Variants in KLHL13 observed in about 807,000 individuals in gnomAD.
KLHL13 encodes the protein kelch like family member 13, also known as kelch-like protein 13.
In KLHL13, 10 loss-of-function variants were observed where a neutral mutation model predicts 37.1. That is an observed-to-expected ratio of 0.27 (90% CI 0.17 to 0.46). The LOEUF is 0.46. Among genes scored for constraint, KLHL13 ranks in the 20% least tolerant of loss-of-function variants. The probability of loss-of-function intolerance (pLI) is 1.00; values close to 1 mark genes in which losing one functional copy is unlikely to be tolerated. For synonymous variants in KLHL13, 163 were observed against 181.2 expected, an observed-to-expected ratio of 0.90 and a Z score of 0.81; for missense variants, 360 against 509.3, an observed-to-expected ratio of 0.71 and a Z score of 2.82.
chrX:118,024,145 C>A (rs1053174841), intron 1 of KLHL13, among the ~76,000 whole-genome samples: 4 of 112,111 alleles, frequency 3.6e-5, no homozygotes, highest in African/African-American at 1.3e-4. Context: ...ATTCAGTTAC[C>A]TTGCCATTTA....
intron 1 of KLHL13, among the ~76,000 whole-genome samples, chrX:118,048,944 T>G (rs1469673201): frequency 5.4e-5 from 6 of 112,103 alleles, no homozygotes; most frequent in Non-Finnish European, 1.1e-4. Flanking sequence ...TTCAAGCAAT[T>G]TTATTCATAA....
chrX:118,042,148 G>C (rs1602677885), intron 1 of KLHL13, among the ~76,000 whole-genome samples: 1 of 111,776 alleles, frequency 8.9e-6, no homozygotes, highest in African/African-American at 3.2e-5. Context: ...AAGTCAGCCA[G>C]AGGATATAAA....
chrX:117,918,949 T>C (rs1401170033), intron 4 of KLHL13, among the ~76,000 whole-genome samples: 1 of 112,395 alleles, frequency 8.9e-6, no homozygotes, highest in Non-Finnish European at 1.9e-5. Flanking sequence ...TTATGGTACA[T>C]ACCATTATCA....
chrX:117,959,914 A>T (rs1298788945), intron 1 of KLHL13, among the ~76,000 whole-genome samples: 1 of 111,779 alleles, frequency 8.9e-6, no homozygotes, highest in Non-Finnish European at 1.9e-5. Context: ...GGAAGCAAGA[A>T]GGGAGTGCAG....
At chrX:117,977,256 T>C (rs1278722602), upstream of KLHL13, among the ~76,000 whole-genome samples, 1 of 112,136 alleles carries the variant, frequency 8.9e-6, no homozygotes, top group African/African-American at 3.2e-5. Flanking sequence ...TGAAGAACCA[T>C]TTCCAAAATC....
At position 117,965,036 on chromosome X, in the gene KLHL13, C is replaced by A. The variant is rs1257340922; in HGVS notation, c.98+7695G>T. On this transcript the variant is annotated intron_variant, in intron 1 of 6. Transcript: ENST00000262820. ...AAGTCTTTGCTATTGTGAATAATGC[C>A]GCAATAAACATACATGTGCATGTGT... Among the ~76,000 whole-genome samples, 3 of 111,576 alleles carry A rather than the reference C, an allele frequency of 2.7e-5. No homozygotes were observed. In the East Asian group the frequency reaches 8.4e-4, roughly 31 times the overall value.
At chrX:118,077,912 A>C (rs1418849995) in intron 1 of KLHL13, among the ~76,000 whole-genome samples, 1 of 112,135 alleles carries the variant, frequency 8.9e-6, no homozygotes, top group Non-Finnish European at 1.9e-5. Flanking sequence ...AAAGTACCTT[A>C]CAAACTCTAA....
At chrX:117,964,191 A>AT (rs1481974382) in intron 1 of KLHL13, among the ~76,000 whole-genome samples, 1 of 103,023 alleles carries the variant, frequency 9.7e-6, no homozygotes, top group East Asian at 2.9e-4. Flanking sequence ...TTAGAGTATA[A>AT]TAAAAAAAAA....
intron 1 of KLHL13, among the ~76,000 whole-genome samples, chrX:118,032,471 G>A (rs189049135): frequency 1.0e-3 from 114 of 111,946 alleles, no homozygotes; most frequent in African/African-American, 3.6e-3. Flanking sequence ...GCACCCCCCA[G>A]CAGGGGCAGC....
At chrX:118,048,515 G>A (rs1286379256) in intron 1 of KLHL13, among the ~76,000 whole-genome samples, 1 of 111,257 alleles carries the variant, frequency 9.0e-6, no homozygotes, top group Non-Finnish European at 1.9e-5. Context: ...AAATTTTGAG[G>A]TTTTACACAG....
At chrX:118,036,366 A>C (rs2054441154) in intron 1 of KLHL13, among the ~76,000 whole-genome samples, 1 of 112,069 alleles carries the variant, frequency 8.9e-6, no homozygotes, top group Admixed American at 9.4e-5. Context: ...ACAGTCACCA[A>C]AACAGCATGG....
chrX:117,909,202 T>G (rs183976441), intron 5 of KLHL13, 99 bp downstream of exon 6: 1 of 728,021 alleles, frequency 1.4e-6, no homozygotes, highest in African/African-American at 2.2e-5. Flanking sequence ...AAACCCTAAC[T>G]ACATTTTTAT....
Position 118,010,977 on chromosome X carries a change from G to A in KLHL13, c.-55-65402C>T, listed in dbSNP as rs1332156654. On this transcript the variant is annotated intron_variant, in intron 1 of 6. Transcript: ENST00000371882. ...CGTCCCAGCTACTCAGGAGGCTGAG[G>A]TGGGAGAATCACCTGAGCCTGGGAA... Among the ~76,000 whole-genome samples the A allele has an allele frequency of 5.5e-5, 6 of 110,007 alleles. No homozygotes were observed. The East Asian group carries it at 1.7e-3, about 32-fold the overall frequency.
intron 1 of KLHL13, among the ~76,000 whole-genome samples, chrX:118,026,390 T>C (rs1229882142): frequency 1.8e-5 from 2 of 111,977 alleles, no homozygotes; most frequent in Non-Finnish European, 3.8e-5. Flanking sequence ...TAATGTGTTA[T>C]AAATGCCTGA....
At chrX:118,087,196 C>T (rs2055064087) in intron 1 of KLHL13, among the ~76,000 whole-genome samples, 1 of 110,582 alleles carries the variant, frequency 9.0e-6, no homozygotes, top group Non-Finnish European at 1.9e-5. Context: ...TTACACAATG[C>T]TTAATTTCCC....
chrX:117,945,556 C>A (rs771742237), exon 2 of KLHL13: 1 of 1,201,554 alleles, frequency 8.3e-7, no homozygotes, highest in African/African-American at 1.8e-5. Flanking sequence ...ATGTGTTGGT[C>A]TTCCTCTTCC....
intron 1 of KLHL13, among the ~76,000 whole-genome samples, chrX:117,962,971 A>C (rs2053329674): frequency 8.9e-6 from 1 of 112,418 alleles, no homozygotes; most frequent in Admixed American, 9.5e-5. Flanking sequence ...AGAGGAAAAT[A>C]AATTGTATTA....
rs1403074253 is a variant in KLHL13, at chrX:118,032,049, C to T, written c.-56+84459G>A. Reference sequence around the variant, plus strand: ...CTTTTCCGACGGGCTTAAAAAACAGCGCACCAGGAGATTATATCCAGCACC... The same window carrying T: ...CTTTTCCGACGGGCTTAAAAAACAGTGCACCAGGAGATTATATCCAGCACC... On this transcript the variant is annotated intron_variant, in intron 1 of 6. Transcript: ENST00000371882. 6.3e-5 allele frequency among the ~76,000 whole-genome samples: 7 copies of T among 111,624 alleles called. No individual in the cohort carries two copies. The East Asian group carries it at 1.1e-3, about 18-fold the overall frequency.
At chrX:117,995,119 T>G (rs2147954444) in intron 1 of KLHL13, among the ~76,000 whole-genome samples, 1 of 111,156 alleles carries the variant, frequency 9.0e-6, no homozygotes, top group South Asian at 3.8e-4. Flanking sequence ...AAACAAAATG[T>G]CTCTTTGAAG....
Sources: allele counts gnomAD v4.1 joint callset (sites outside exome capture counted in the v4.1 genomes callset), GRCh38; gene constraint gnomAD v4.1.1; transcripts MANE v1.5; gene names NCBI Gene and HGNC (gene_info 2026-07-23, HGNC 2026-07-21).